CNTLN: variants seen among roughly 807,000 people sequenced by gnomAD.
CNTLN encodes the protein centlein.
A neutral mutation model predicts 180.0 loss-of-function variants in CNTLN; 212 were observed. The observed-to-expected ratio is 1.18, with a 90% CI of 1.05 to 1.32. The LOEUF (loss-of-function observed/expected upper bound fraction) is 1.32, where lower values mean the gene tolerates loss of function less well. CNTLN is among the 40% of genes most tolerant of loss of function. The pLI is 0.00. For synonymous variants in CNTLN, 722 were observed against 563.1 expected, an observed-to-expected ratio of 1.28 and a Z score of -3.99; for missense variants, 2,095 against 1,610.9, an observed-to-expected ratio of 1.30 and a Z score of -5.14.
At chr9:17,244,006 A>G (rs1563915847) in intron 5 of CNTLN, among the ~76,000 whole-genome samples, 1 of 152,000 alleles carries the variant, frequency 6.6e-6, no homozygotes, top group Non-Finnish European at 1.5e-5. Context: ...GTGCATATAT[A>G]TTTATATTTG....
Position 17,164,704 on chromosome 9 carries a change from C to T in CNTLN, c.449+21328C>T, listed in dbSNP as rs561696864. ...TCAGGTGATCTGCCTGCCTTAGCCTCCCAAAGTGCTGGGATTACTGGTGTG... is the reference window on the plus strand; with the variant it reads ...TCAGGTGATCTGCCTGCCTTAGCCTTCCAAAGTGCTGGGATTACTGGTGTG... On this transcript the variant is annotated intron_variant, in intron 2 of 25. Coordinates refer to ENST00000380647, the MANE Select transcript of CNTLN (RefSeq NM_017738.4). Among the ~76,000 whole-genome samples the T allele has an allele frequency of 1.7e-4, 26 of 151,754 alleles. 1 individual carries two copies. In the South Asian group the frequency reaches 4.8e-3, roughly 28 times the overall value.
At chr9:17,299,775 TA>T in intron 7 of CNTLN, 1 of 983,316 alleles carries the variant, frequency 1.0e-6, no homozygotes, top group Non-Finnish European at 1.2e-6. Context: ...TAATACTAAT[TA>T]ATTGTTTTCT....
intron 21 of CNTLN, 27 bp downstream of exon 21, chr9:17,464,650 T>G: frequency 7.6e-7 from 1 of 1,322,368 alleles, no homozygotes; most frequent in Non-Finnish European, 1.0e-6. Context: ...TTACTGACAC[T>G]AAAAATATCA....
intron 6 of CNTLN, among the ~76,000 whole-genome samples, chr9:17,285,138 A>G (rs541897597): frequency 2.2e-4 from 30 of 135,420 alleles, no homozygotes; most frequent in South Asian, 1.6e-3. Context: ...GTATCTCCCA[A>G]TGCTATCCCT....
chr9:17,252,152 G>A (rs942747818), intron 5 of CNTLN, among the ~76,000 whole-genome samples: 1 of 151,726 alleles, frequency 6.6e-6, no homozygotes, highest in Admixed American at 6.6e-5. Flanking sequence ...GGATACTTAG[G>A]TTGATGCCAT....
chr9:17,366,431 A>G (rs975737258), intron 12 of CNTLN, among the ~76,000 whole-genome samples, 186 bp from the exon 13 acceptor site: 2 of 152,266 alleles, frequency 1.3e-5, no homozygotes, highest in South Asian at 4.1e-4. Flanking sequence ...GGTATGAGCC[A>G]CCATGCCCAG....
chr9:17,210,667 G>A (rs1047201385), intron 2 of CNTLN, among the ~76,000 whole-genome samples: 1 of 152,182 alleles, frequency 6.6e-6, no homozygotes, highest in African/African-American at 2.4e-5. Flanking sequence ...CTAGTTTACA[G>A]TCCCACCAAT....
chr9:17,359,261 C>T (rs1302968851), intron 12 of CNTLN, among the ~76,000 whole-genome samples: 1 of 151,998 alleles, frequency 6.6e-6, no homozygotes, highest in Admixed American at 6.5e-5. Context: ...TCAAGCAATC[C>T]ACTTGCTTTG....
At chr9:17,213,246 G>C (rs952228429) in intron 2 of CNTLN, among the ~76,000 whole-genome samples, 5 of 152,134 alleles carry the variant, frequency 3.3e-5, no homozygotes, top group Admixed American at 2.6e-4. Context: ...AGAGATTCTG[G>C]TATGTTGTGT....
chr9:17,440,570 C>T (rs374142846), intron 18 of CNTLN, among the ~76,000 whole-genome samples: 10 of 137,390 alleles, frequency 7.3e-5, no homozygotes, highest in East Asian at 7.0e-4. Flanking sequence ...GCCTGGGCGA[C>T]GGAGCGAGAC....
At chr9:17,381,044 C>T (rs536156320) in intron 13 of CNTLN, among the ~76,000 whole-genome samples, 1 of 152,328 alleles carries the variant, frequency 6.6e-6, no homozygotes, top group South Asian at 2.1e-4. Context: ...ATACAGCCAA[C>T]AACAATTCGT....
intron 6 of CNTLN, among the ~76,000 whole-genome samples, chr9:17,282,366 T>C (rs897957338): frequency 1.3e-5 from 2 of 152,226 alleles, no homozygotes; most frequent in African/African-American, 4.8e-5. Context: ...TTGATATGTT[T>C]GTTGGCATCA....
At chr9:17,139,314 C>T (rs1469479653) in intron 1 of CNTLN, among the ~76,000 whole-genome samples, 3 of 151,916 alleles carry the variant, frequency 2.0e-5, no homozygotes, top group Non-Finnish European at 4.4e-5. Flanking sequence ...TCTCAAACTC[C>T]TGACCTTGTG....
At chr9:17,443,590 A>T (rs1234086178) in intron 18 of CNTLN, among the ~76,000 whole-genome samples, 1 of 152,218 alleles carries the variant, frequency 6.6e-6, no homozygotes, top group Non-Finnish European at 1.5e-5. Context: ...TTTCTGGTGG[A>T]TCAGGAGAGA....
chr9:17,268,055 T>A (rs1203316308), intron 5 of CNTLN, among the ~76,000 whole-genome samples: 6 of 152,194 alleles, frequency 3.9e-5, no homozygotes, highest in Admixed American at 3.9e-4. Context: ...TCATTCTCCA[T>A]CCAGCTTTGT....
At chr9:17,480,670 C>T (rs559981523) in intron 23 of CNTLN, among the ~76,000 whole-genome samples, 2 of 152,180 alleles carry the variant, frequency 1.3e-5, no homozygotes, top group East Asian at 1.9e-4. Context: ...CTATCTGCCT[C>T]GAATATGGTG....
At chr9:17,183,817 T>G (rs1821267618) in intron 2 of CNTLN, among the ~76,000 whole-genome samples, 1 of 152,138 alleles carries the variant, frequency 6.6e-6, no homozygotes, top group South Asian at 2.1e-4. Context: ...GGAGGCCTTT[T>G]CTTATCCCAA....
chr9:17,149,871 T>C (rs1818734654), intron 2 of CNTLN, among the ~76,000 whole-genome samples: 1 of 152,184 alleles, frequency 6.6e-6, no homozygotes, highest in South Asian at 2.1e-4. Context: ...TGGTATCTCG[T>C]TGTGGTTTTG....
At chr9:17,453,928 A>C (rs1443016245) in intron 18 of CNTLN, among the ~76,000 whole-genome samples, 2 of 152,170 alleles carry the variant, frequency 1.3e-5, no homozygotes, top group Non-Finnish European at 2.9e-5. Flanking sequence ...AGAGAAGAAA[A>C]GCTTGCTTTT....
Sources: allele counts gnomAD v4.1 joint callset (sites outside exome capture counted in the v4.1 genomes callset), GRCh38; gene constraint gnomAD v4.1.1; transcripts MANE v1.5; gene names NCBI Gene and HGNC (gene_info 2026-07-23, HGNC 2026-07-21).